Variants in LRRC4C observed in about 807,000 individuals in gnomAD.
LRRC4C encodes the protein leucine rich repeat containing 4C.
LRRC4C carries 5 observed loss-of-function variants against 33.6 expected under a neutral mutation model. The observed-to-expected ratio is 0.15, with a 90% confidence interval of 0.08 to 0.31. The LOEUF is 0.31. Ranked by LOEUF, LRRC4C falls within the 10% of genes least tolerant of loss-of-function variation. The pLI, the probability that LRRC4C is intolerant of heterozygous loss-of-function variation, is 1.00. For synonymous variants in LRRC4C, 329 were observed against 302.0 expected (o/e 1.09, Z -0.93); for missense variants, 560 against 796.7 (o/e 0.70, Z 3.58).
chr11:41,007,119 CA>C (rs780658288), intron 1 of LRRC4C, among the ~76,000 whole-genome samples: 12 of 151,852 alleles, frequency 7.9e-5, no homozygotes, highest in Non-Finnish European at 1.8e-4. Context: ...AAATATGTTT[CA>C]AAAACCCTGT....
intron 2 of LRRC4C, among the ~76,000 whole-genome samples, chr11:40,923,274 A>G (rs1854085658): frequency 6.6e-6 from 1 of 152,228 alleles, no homozygotes; most frequent in Non-Finnish European, 1.5e-5. Context: ...ATATTTTCCA[A>G]GAGTCATTCT....
At chr11:40,467,921 G>A (rs1952731730) in intron 3 of LRRC4C, among the ~76,000 whole-genome samples, 4 of 152,128 alleles carry the variant, frequency 2.6e-5, no homozygotes, top group Non-Finnish European at 5.9e-5. Context: ...ATTGACTGAT[G>A]GAGCTGTTGG....
chr11:41,019,185 G>A (rs566432988), intron 1 of LRRC4C, among the ~76,000 whole-genome samples: 288 of 149,250 alleles, frequency 1.9e-3, no homozygotes, highest in Non-Finnish European at 2.9e-3. Flanking sequence ...CCCCCACCCC[G>A]CAACAGGCCA....
chr11:40,399,711 C>G (rs112389805), intron 3 of LRRC4C, among the ~76,000 whole-genome samples: 65 of 151,938 alleles, frequency 4.3e-4, no homozygotes, highest in African/African-American at 1.6e-3. Context: ...ACCACCACCA[C>G]GACAACAACA....
In LRRC4C at chr11:40,474,159, A is replaced by G. The variant is rs867359999; in HGVS notation, c.-269-154438T>C. Among the ~76,000 whole-genome samples the G allele has an allele frequency of 3.9e-5, 6 of 152,262 alleles. 1 individual carries two copies. In the South Asian group the frequency reaches 6.2e-4, roughly 16 times the overall value. On this transcript the variant is annotated intron_variant, in intron 3 of 6. Coordinates refer to ENST00000528697, the MANE Select transcript of LRRC4C (RefSeq NM_001258419.2). Reference sequence around the variant, plus strand: ...CATATAGCCAAGACAATCCTAAGCAAAAAAACAAAGCTGGAAGCATCAGGT... The same window carrying G: ...CATATAGCCAAGACAATCCTAAGCAGAAAAACAAAGCTGGAAGCATCAGGT...
At chr11:40,672,432 C>T (rs988960896) in intron 2 of LRRC4C, among the ~76,000 whole-genome samples, 3 of 152,076 alleles carry the variant, frequency 2.0e-5, no homozygotes, top group African/African-American at 7.2e-5. Context: ...GTGGTTCTAA[C>T]AAGATAAATG....
At chr11:41,125,503 C>A (rs957926278) in intron 1 of LRRC4C, among the ~76,000 whole-genome samples, 13 of 151,432 alleles carry the variant, frequency 8.6e-5, no homozygotes, top group Admixed American at 7.9e-4. Flanking sequence ...TAATGATAAG[C>A]AAGTGATTTT....
At chr11:40,118,672 T>C in intron 6 of LRRC4C, among the ~76,000 whole-genome samples, 1 of 151,786 alleles carries the variant, frequency 6.6e-6, no homozygotes, top group Admixed American at 6.6e-5. Context: ...TGCTAGTACA[T>C]CCAGGGAACA....
chr11:40,258,985 G>T (rs1020867761), intron 4 of LRRC4C, among the ~76,000 whole-genome samples: 1 of 152,096 alleles, frequency 6.6e-6, no homozygotes, highest in African/African-American at 2.4e-5. Flanking sequence ...CATATACCTG[G>T]CATGTATTAA....
chr11:41,016,989 C>T (rs1487738597), intron 1 of LRRC4C, among the ~76,000 whole-genome samples: 2 of 152,086 alleles, frequency 1.3e-5, no homozygotes, highest in African/African-American at 2.4e-5. Flanking sequence ...GTATATCAAT[C>T]AAAACAATGA....
At chr11:41,115,272 T>C (rs1307797383) in intron 1 of LRRC4C, among the ~76,000 whole-genome samples, 2 of 152,074 alleles carry the variant, frequency 1.3e-5, no homozygotes, top group Admixed American at 1.3e-4. Context: ...GTCATAAAAT[T>C]TGAATTTTAA....
intron 2 of LRRC4C, among the ~76,000 whole-genome samples, chr11:40,761,374 G>T (rs1443251305): frequency 6.6e-6 from 1 of 152,116 alleles, no homozygotes; most frequent in Non-Finnish European, 1.5e-5. Flanking sequence ...GCAAAAGCTT[G>T]TTATGAGCTG....
At chr11:41,311,013 C>T (rs1181030691) in intron 1 of LRRC4C, among the ~76,000 whole-genome samples, 1 of 152,148 alleles carries the variant, frequency 6.6e-6, no homozygotes, top group African/African-American at 2.4e-5. Context: ...TTCCAACCTT[C>T]GCTTAGTGCC....
chr11:40,468,193 G>C (rs916312000), intron 3 of LRRC4C, among the ~76,000 whole-genome samples: 2 of 152,120 alleles, frequency 1.3e-5, no homozygotes, highest in African/African-American at 4.8e-5. Context: ...AGTAGGATAT[G>C]TATATGGATT....
intron 2 of LRRC4C, among the ~76,000 whole-genome samples, chr11:40,727,463 C>T (rs1179505552): frequency 2.0e-5 from 3 of 152,046 alleles, no homozygotes; most frequent in African/African-American, 7.2e-5. Flanking sequence ...CTATAAAAAT[C>T]CTAGAAGAAA....
Position 40,190,700 on chromosome 11 carries a change from T to C in LRRC4C, c.-95-49847A>G, listed in dbSNP as rs533452246. Among the ~76,000 whole-genome samples the C allele has an allele frequency of 1.5e-3, 225 of 152,274 alleles. 1 individual carries two copies. Among genetic ancestry groups the C allele is most frequent in the Non-Finnish European group, 2.8e-3 (188 of 68,032 alleles). The stretch of plus-strand genomic sequence containing the variant: ...TTAATGAAGTCATTAAAACATAAAA[T>C]GATTTTACCTGAGGATGCAATCTAG... On this transcript the variant is annotated intron_variant, in intron 5 of 6. Coordinates refer to ENST00000528697, the MANE Select transcript of LRRC4C (RefSeq NM_001258419.2).
chr11:40,267,644 C>T (rs529185794), intron 4 of LRRC4C, among the ~76,000 whole-genome samples: 2 of 152,286 alleles, frequency 1.3e-5, no homozygotes, highest in Non-Finnish European at 2.9e-5. Flanking sequence ...AGCCACCGCG[C>T]CTGGCCCTGT....
chr11:40,873,770 G>A (rs920015182), intron 2 of LRRC4C, among the ~76,000 whole-genome samples: 7 of 152,002 alleles, frequency 4.6e-5, no homozygotes, highest in Admixed American at 3.3e-4. Context: ...TATCACTGGC[G>A]GGAGAATTCA....
At chr11:40,489,611 A>G (rs753116540) in intron 3 of LRRC4C, among the ~76,000 whole-genome samples, 15 of 152,124 alleles carry the variant, frequency 9.9e-5, no homozygotes, top group Non-Finnish European at 1.8e-4. Context: ...AGCCTCAAAA[A>G]TACAAGGGTT....
Sources: gnomAD v4.1 joint callset for allele counts (sites outside exome capture counted in the v4.1 genomes callset) on GRCh38, gnomAD v4.1.1 for gene constraint, MANE v1.5 for transcripts, NCBI Gene and HGNC (gene_info 2026-07-23, HGNC 2026-07-21) for gene names.